The following ZNF532 variants were observed in gnomAD, a reference collection of about 807,000 sequenced individuals.
ZNF532 encodes the protein zinc finger protein 532.
ZNF532 carries 22 observed loss-of-function variants against 89.3 expected under a neutral mutation model. That is an observed-to-expected ratio of 0.25 (90% CI 0.18 to 0.35). The LOEUF is 0.35. ZNF532 is among the 10% of genes least tolerant of loss of function. ZNF532 has a pLI of 1.00. For synonymous variants in ZNF532, 606 were observed against 649.6 expected (o/e 0.93, Z 1.02); for missense variants, 1,132 against 1,643.4 (o/e 0.69, Z 5.38).
chr18:58,914,049 G>T (rs954879368), intron 2 of ZNF532, among the ~76,000 whole-genome samples: 2 of 152,172 alleles, frequency 1.3e-5, no homozygotes, highest in Non-Finnish European at 2.9e-5. Flanking sequence ...AAAGGAAGAA[G>T]AATTTTGTTA....
chr18:58,886,630 C>T (rs1392458853), intron 2 of ZNF532, among the ~76,000 whole-genome samples: 3 of 152,124 alleles, frequency 2.0e-5, no homozygotes, highest in Non-Finnish European at 4.4e-5. Context: ...GTTACATAAT[C>T]GTTTATGTAC....
At chr18:58,905,137 CG>C (rs1211643085) in intron 2 of ZNF532, among the ~76,000 whole-genome samples, 1 of 152,068 alleles carries the variant, frequency 6.6e-6, no homozygotes, top group Non-Finnish European at 1.5e-5. Flanking sequence ...CTGCCAAACC[CG>C]GCCTGAAAAT....
chr18:58,888,756 A>AATTATATATAT (rs2058549599), intron 2 of ZNF532, among the ~76,000 whole-genome samples: 19 of 35,386 alleles, frequency 5.4e-4, no homozygotes, highest in East Asian at 1.6e-3. Context: ...TATATATATA[A>AATTATATATAT]AATTAATATA....
At chr18:58,951,909 A>C (rs575671132) in intron 6 of ZNF532, among the ~76,000 whole-genome samples, 1 of 152,168 alleles carries the variant, frequency 6.6e-6, no homozygotes, top group Non-Finnish European at 1.5e-5. Flanking sequence ...TCGGCCTCCC[A>C]AAGTGCTGGG....
intron 5 of ZNF532, chr18:58,939,895 AT>A (rs201906499): frequency 0.047 from 8,875 of 189,398 alleles, 1 homozygote; most frequent in South Asian, 0.11. Flanking sequence ...CTTAAGATGA[AT>A]TTTTTTTTTT....
At chr18:58,866,076 A>T (rs776671869) in intron 2 of ZNF532, among the ~76,000 whole-genome samples, 1 of 152,016 alleles carries the variant, frequency 6.6e-6, no homozygotes, top group African/African-American at 2.4e-5. Flanking sequence ...CTCCGACTCA[A>T]GTGGTGGAAT....
chr18:58,972,893 CTTTA>C lies in ZNF532; in HGVS notation c.3151-6155_3151-6152del, dbSNP rs1405367694. On this transcript the variant is annotated intron_variant, in intron 7 of 9. Transcript: ENST00000591808. ...AAGTAGACAGTTTTGTTCAGTTAAT[CTTTA>C]TTTATTCATTCCCACAGTATTTACT... Among the ~76,000 whole-genome samples, 4 of 152,240 alleles carry C rather than the reference CTTTA, an allele frequency of 2.6e-5. No homozygotes were observed. The South Asian group carries it at 6.2e-4, about 24-fold the overall frequency.
chr18:58,889,587 G>T (rs563552088), intron 2 of ZNF532, among the ~76,000 whole-genome samples: 1 of 151,314 alleles, frequency 6.6e-6, no homozygotes, highest in African/African-American at 2.4e-5. Flanking sequence ...ATCACTTGAT[G>T]TCAGGAGTTT....
chr18:58,904,154 C>T (rs1240275300), intron 2 of ZNF532, among the ~76,000 whole-genome samples: 1 of 152,104 alleles, frequency 6.6e-6, no homozygotes, highest in Non-Finnish European at 1.5e-5. Context: ...GGTTTGGGAC[C>T]AGCCTGGGCA....
chr18:58,896,942 C>G (rs2059290384), intron 2 of ZNF532, among the ~76,000 whole-genome samples: 1 of 152,154 alleles, frequency 6.6e-6, no homozygotes, highest in East Asian at 1.9e-4. Context: ...AGCAGGCAGC[C>G]CAGCGAGGTA....
At chr18:58,978,997 A>T in intron 7 of ZNF532, 58 bp from the exon 8 acceptor site, 2 of 1,360,572 alleles carry the variant, frequency 1.5e-6, no homozygotes, top group South Asian at 1.2e-5. Context: ...AAGAGTTCTT[A>T]ATTGTTTGAG....
intron 7 of ZNF532, among the ~76,000 whole-genome samples, chr18:58,973,500 T>C (rs917352242): frequency 3.9e-5 from 6 of 152,208 alleles, no homozygotes; most frequent in Admixed American, 3.9e-4. Flanking sequence ...CTGAACTAAA[T>C]GAAGTGGCAA....
At chr18:58,970,119 C>T (rs750742472) in intron 7 of ZNF532, among the ~76,000 whole-genome samples, 3 of 152,050 alleles carry the variant, frequency 2.0e-5, no homozygotes, top group Admixed American at 6.6e-5. Flanking sequence ...CTCCTGACCT[C>T]GTGATCCACC....
At chr18:58,891,552 ACGCTTGTACTT>A (rs1035884356) in intron 2 of ZNF532, among the ~76,000 whole-genome samples, 16 of 149,802 alleles carry the variant, frequency 1.1e-4, no homozygotes, top group African/African-American at 3.7e-4. Flanking sequence ...GAAACCTGGG[ACGCTTGTACTT>A]ACGAACATTT....
chr18:58,890,538 C>T (rs1338301303), intron 2 of ZNF532, among the ~76,000 whole-genome samples: 87 of 151,528 alleles, frequency 5.7e-4, no homozygotes, highest in Non-Finnish European at 1.3e-4. Context: ...CCAATGACCC[C>T]GCATTGCTCT....
At chr18:58,958,405 A>G (rs181855249) in intron 7 of ZNF532, among the ~76,000 whole-genome samples, 365 of 152,350 alleles carry the variant, frequency 2.4e-3, no homozygotes, top group Middle Eastern at 6.8e-3. Flanking sequence ...GCAGTAAAAA[A>G]CTTACCAATT....
intron 7 of ZNF532, among the ~76,000 whole-genome samples, chr18:58,971,306 A>T (rs1351266278): frequency 6.6e-6 from 1 of 152,188 alleles, no homozygotes; most frequent in African/African-American, 2.4e-5. Flanking sequence ...TTCACTTTAT[A>T]GTTATGACTG....
chr18:58,935,691 C>A lies in ZNF532; in HGVS notation c.2528+1077C>A, dbSNP rs556334339. 3.4e-4 allele frequency among the ~76,000 whole-genome samples: 51 copies of A among 151,614 alleles called. No individual in the cohort carries two copies. The South Asian group carries it at 0.01, about 31-fold the overall frequency. On this transcript the variant is annotated intron_variant, in intron 4 of 9. Coordinates refer to ENST00000591808, the MANE Select transcript of ZNF532 (RefSeq NM_001375912.1). Reference sequence around the variant, plus strand: ...CTCTCCATCTTATGACCTTCCTGTGCCTTTTATATTTTCACTAAGAAGATT... The same window carrying A: ...CTCTCCATCTTATGACCTTCCTGTGACTTTTATATTTTCACTAAGAAGATT...
At chr18:58,883,534 C>T (rs2058072454) in intron 2 of ZNF532, among the ~76,000 whole-genome samples, 1 of 152,122 alleles carries the variant, frequency 6.6e-6, no homozygotes, top group Non-Finnish European at 1.5e-5. Context: ...TAGGACATGG[C>T]TCTGGCATGG....
Sources: gnomAD v4.1 joint callset for allele counts (sites outside exome capture counted in the v4.1 genomes callset) on GRCh38, gnomAD v4.1.1 for gene constraint, MANE v1.5 for transcripts, NCBI Gene and HGNC (gene_info 2026-07-23, HGNC 2026-07-21) for gene names.